Variants in TMEM128 observed in about 807,000 individuals in gnomAD.
The protein encoded by TMEM128 is transmembrane protein 128.
Under a neutral mutation model 19.7 loss-of-function variants are expected in TMEM128, and 16 were observed. That is an observed-to-expected ratio of 0.81 (90% CI 0.55 to 1.23). The LOEUF (loss-of-function observed/expected upper bound fraction) is 1.23, where lower values mean the gene tolerates loss of function less well. Among genes scored for constraint, TMEM128 ranks in the 50% most tolerant of loss-of-function variants. The pLI, the probability that TMEM128 is intolerant of heterozygous loss-of-function variation, is 0.00. For synonymous variants in TMEM128, 98 were observed against 75.8 expected (o/e 1.29, Z -1.52); for missense variants, 237 against 200.8 (o/e 1.18, Z -1.09).
Position 4,246,287 on chromosome 4 carries a change from A to G in TMEM128, c.154T>C (p.Ser52Pro). The G allele has an allele frequency of 6.2e-7, 1 of 1,613,192 alleles. No homozygotes were observed. The highest frequency in any genetic ancestry group is 2.2e-5 in the East Asian group (1 of 44,820). The change falls in exon 2 of 5, where the codon TCT becomes CCT. Residue 52 changes from serine to proline, a missense_variant. Coordinates refer to ENST00000382753, the MANE Select transcript of TMEM128 (RefSeq NM_001297551.2). The part of the protein sequence containing the change: ...EKPLPRLNIH[S>P]GFWILASIVV... The stretch of plus-strand genomic sequence containing the variant: ...ATGGATGCCAAAATCCAGAATCCAG[A>G]ATGGATATTAAGTCTTGGAAGAGGT...
intron 4 of TMEM128, among the ~76,000 whole-genome samples, chr4:4,236,498 G>A (rs745749287): frequency 1.3e-4 from 20 of 152,188 alleles, no homozygotes; most frequent in African/African-American, 2.9e-4. Context: ...CTGAGAACAC[G>A]AGAAGGGGAG....
At chr4:4,236,419 T>C (rs1317112459) in intron 4 of TMEM128, among the ~76,000 whole-genome samples, 163 bp from the exon 5 acceptor site, 1 of 152,214 alleles carries the variant, frequency 6.6e-6, no homozygotes, top group Non-Finnish European at 1.5e-5. Context: ...TTACCAATTA[T>C]AACTTCATGT....
intron 2 of TMEM128, among the ~76,000 whole-genome samples, chr4:4,244,522 C>T (rs562225409): frequency 1.3e-5 from 2 of 152,190 alleles, no homozygotes; most frequent in African/African-American, 4.8e-5. Context: ...TTTTCCCAGC[C>T]CAAGTTCTAA....
chr4:4,244,778 G>A (rs889927001), intron 2 of TMEM128, among the ~76,000 whole-genome samples: 3 of 152,156 alleles, frequency 2.0e-5, no homozygotes, highest in Non-Finnish European at 4.4e-5. Flanking sequence ...CCTATGGGCA[G>A]CCGACTTGCA....
Position 4,237,878 on chromosome 4 carries a change from G to C in TMEM128, c.456C>G (p.Thr152=), listed in dbSNP as rs753910456. Residue 152 remains threonine, a synonymous_variant, in exon 4 of 5, where the codon ACC becomes ACG. Coordinates refer to ENST00000382753, the MANE Select transcript of TMEM128 (RefSeq NM_001297551.2). The part of the protein sequence containing the change: ...WSFFTPLLLF[T]QFMGVVMFIT... ...TAAACATGACAACCCCCATAAACTG[G>C]GTAAACAACAACAATGGAGTGAAAA... is the stretch of plus-strand genomic sequence containing the variant. The C allele has an allele frequency of 1.2e-6, 2 of 1,606,442 alleles. No individual in the cohort carries two copies. The highest frequency in any genetic ancestry group is 2.2e-5 in the East Asian group (1 of 44,586).
chr4:4,246,356 G>C lies in TMEM128; in HGVS notation c.98-13C>G. On this transcript the variant is annotated splice_polypyrimidine_tract_variant and intron_variant, in intron 1 of 4. Transcript: ENST00000382753. ...GCTGTGGAGGTTTCTGCAAATAAGGGAGATTTCAACTTATTAAGTTACCAC... is the reference window on the plus strand; with the variant it reads ...GCTGTGGAGGTTTCTGCAAATAAGGCAGATTTCAACTTATTAAGTTACCAC... The C allele has an allele frequency of 6.3e-7, 1 of 1,588,818 alleles. No individual in the cohort carries two copies. The highest frequency in any genetic ancestry group is 8.5e-7 in the Non-Finnish European group (1 of 1,172,160).
rs1290331559 is a variant in TMEM128, at chr4:4,235,620, A to AG, written c.*645_*646insC. On this transcript the variant is annotated 3_prime_UTR_variant, in exon 5 of 5. Coordinates refer to ENST00000382753, the MANE Select transcript of TMEM128 (RefSeq NM_001297551.2). ...AGTGATTAAAACTTCACATTAGGAA[A>AG]TGCTAAAAACCCAGTAATGTACATA... 2 of 152,672 alleles carry AG rather than the reference A, an allele frequency of 1.3e-5. No individual in the cohort carries two copies. The highest frequency in any genetic ancestry group is 2.9e-5 in the Non-Finnish European group (2 of 68,030). The allele number at this position is 152,672 out of a possible 1,614,324, so 9.5% of individuals were successfully genotyped here.
chr4:4,247,614 A>G, intron 1 of TMEM128: 1 of 1,614,202 alleles, frequency 6.2e-7, no homozygotes, highest in Non-Finnish European at 8.5e-7. Flanking sequence ...TTTTGTACCC[A>G]AATGGCGGCA....
chr4:4,243,793 C>T (rs1207648620), intron 2 of TMEM128, among the ~76,000 whole-genome samples: 1 of 152,034 alleles, frequency 6.6e-6, no homozygotes, highest in Non-Finnish European at 1.5e-5. Flanking sequence ...TTATGTGGTC[C>T]TGGGCACTCC....
At chr4:4,247,381 C>T (rs1718227102) in intron 1 of TMEM128, among the ~76,000 whole-genome samples, 1 of 152,206 alleles carries the variant, frequency 6.6e-6, no homozygotes, top group Admixed American at 6.5e-5. Flanking sequence ...AAAATGTATA[C>T]ATCATCATGC....
chr4:4,245,323 C>CT (rs1315560973), intron 2 of TMEM128, among the ~76,000 whole-genome samples: 1 of 152,176 alleles, frequency 6.6e-6, no homozygotes, highest in African/African-American at 2.4e-5. Context: ...TGAGGAACTA[C>CT]TGGACATCTG....
chr4:4,237,875 C>A lies in TMEM128; in HGVS notation c.459G>T (p.Gln153His). ...SFFTPLLLFT[Q>H]FMGVVMFITL... ...TGATAAACATGACAACCCCCATAAA[C>A]TGGGTAAACAACAACAATGGAGTGA... is the stretch of plus-strand genomic sequence containing the variant. Residue 153 changes from glutamine (Q) to histidine (H), a missense_variant, in exon 4 of 5, where the codon CAG (glutamine) becomes CAT (histidine). By Grantham distance (24) the Gln-to-His change is conservative. Transcript: ENST00000382753. 2 of 1,611,288 alleles carry A rather than the reference C, an allele frequency of 1.2e-6. No homozygotes were observed. Among genetic ancestry groups the A allele is most frequent in the African/African-American group, 1.3e-5 (1 of 74,952 alleles).
intron 3 of TMEM128, among the ~76,000 whole-genome samples, chr4:4,238,171 TCTC>T (rs1717803001): frequency 6.6e-6 from 1 of 152,184 alleles, no homozygotes; most frequent in Non-Finnish European, 1.5e-5. Flanking sequence ...CCACTAAAGG[TCTC>T]CTAATAGGGG....
At chr4:4,247,915 G>A (rs557380091) in intron 1 of TMEM128, 191 bp downstream of exon 1, 834 of 1,429,600 alleles carry the variant, frequency 5.8e-4, no homozygotes, top group Non-Finnish European at 5.6e-4. Flanking sequence ...CAGCTCTCCA[G>A]AGAATTCTGA....
At chr4:4,247,827 T>C (rs1287224099) in intron 1 of TMEM128, 1 of 1,433,528 alleles carries the variant, frequency 7.0e-7, no homozygotes, top group Non-Finnish European at 9.1e-7. Context: ...GGTACACGCA[T>C]GTTTCTGGTA....
intron 4 of TMEM128, among the ~76,000 whole-genome samples, chr4:4,236,889 T>A (rs546643930): frequency 6.6e-6 from 1 of 152,380 alleles, no homozygotes; most frequent in East Asian, 1.9e-4. Context: ...TCAACTGCTG[T>A]ATAAAGCAGG....
intron 3 of TMEM128, among the ~76,000 whole-genome samples, chr4:4,239,850 A>G (rs1202789056): frequency 6.6e-6 from 1 of 152,254 alleles, no homozygotes; most frequent in Non-Finnish European, 1.5e-5. Flanking sequence ...CGTAGCTGAA[A>G]CAAAAATAGA....
At chr4:4,240,801 G>A (rs1483180082) in intron 2 of TMEM128, among the ~76,000 whole-genome samples, 1 of 152,240 alleles carries the variant, frequency 6.6e-6, no homozygotes, top group Non-Finnish European at 1.5e-5. Context: ...GAAGAGGCCG[G>A]GCGCAGTGGC....
intron 4 of TMEM128, among the ~76,000 whole-genome samples, chr4:4,236,838 G>A (rs866944457): frequency 3.9e-5 from 6 of 152,260 alleles, no homozygotes; most frequent in Middle Eastern, 3.4e-3. Flanking sequence ...AAAATTTAGC[G>A]TATTAACTTT....
Sources: gnomAD v4.1 joint callset for allele counts (sites outside exome capture counted in the v4.1 genomes callset) on GRCh38, gnomAD v4.1.1 for gene constraint, MANE v1.5 for transcripts, NCBI Gene and HGNC (gene_info 2026-07-23, HGNC 2026-07-21) for gene names.